CDH13: variants seen among roughly 807,000 people sequenced by gnomAD.
CDH13 encodes the protein cadherin-13.
Under a neutral mutation model 63.8 loss-of-function variants are expected in CDH13, and 24 were observed. The ratio of observed to expected loss-of-function variants is 0.38; its 90% CI spans 0.27 to 0.53. The LOEUF is 0.53. Ranked by LOEUF, CDH13 falls within the 20% of genes least tolerant of loss-of-function variation. CDH13 has a pLI of 0.85. For missense variants in CDH13, 1,049 were observed against 903.1 expected, an observed-to-expected ratio of 1.16 and a Z score of -2.07; for synonymous variants, 503 against 355.3, an observed-to-expected ratio of 1.42 and a Z score of -4.67.
intron 4 of CDH13, among the ~76,000 whole-genome samples, chr16:83,191,554 T>TAC (rs2038714742): frequency 1.5e-5 from 2 of 137,472 alleles, no homozygotes; most frequent in Admixed American, 1.5e-4. Flanking sequence ...TATATATATA[T>TAC]ATACACACAC....
intron 5 of CDH13, among the ~76,000 whole-genome samples, chr16:83,294,258 CTT>C (rs1386026253): frequency 6.6e-6 from 1 of 152,128 alleles, no homozygotes; most frequent in Non-Finnish European, 1.5e-5. Context: ...TACATTCACT[CTT>C]TTAGCATTTT....
intron 7 of CDH13, among the ~76,000 whole-genome samples, chr16:83,563,332 C>T (rs1219307393): frequency 6.6e-6 from 1 of 152,186 alleles, no homozygotes. Flanking sequence ...CCAGGATGGA[C>T]TCCTGAGATG....
In CDH13 at chr16:83,070,463, G is replaced by A. The variant is rs1597269468; in HGVS notation, c.366+38245G>A. Among the ~76,000 whole-genome samples, 5 of 152,202 alleles carry A rather than the reference G, an allele frequency of 3.3e-5. No individual in the cohort carries two copies. The South Asian group carries it at 1.0e-3, about 32-fold the overall frequency. On this transcript the variant is annotated intron_variant, in intron 3 of 13. Transcript: ENST00000567109. The stretch of plus-strand genomic sequence containing the variant: ...TTGATTTCATTTCACAACTTGCACG[G>A]AAATGAGTGTTTTACTGTTGATGTT...
intron 5 of CDH13, among the ~76,000 whole-genome samples, chr16:83,308,708 G>A (rs972240820): frequency 6.6e-6 from 1 of 152,184 alleles, no homozygotes; most frequent in African/African-American, 2.4e-5. Context: ...CCTTGCTTCT[G>A]GAAGGCTCCC....
Position 83,060,356 on chromosome 16 carries a change from A to G in CDH13, c.366+28138A>G, listed in dbSNP as rs547386526. Among the ~76,000 whole-genome samples, 4 of 152,314 alleles carry G rather than the reference A, an allele frequency of 2.6e-5. No homozygotes were observed. The East Asian group carries it at 5.8e-4, about 22-fold the overall frequency. The stretch of plus-strand genomic sequence containing the variant: ...AGGTCTCCATTCTTAAAAATCCAGC[A>G]TTTTTGTATAGGAACAAAACTTTAC... On this transcript the variant is annotated intron_variant, in intron 3 of 13. Coordinates refer to ENST00000567109, the MANE Select transcript of CDH13 (RefSeq NM_001257.5).
At chr16:82,998,018 G>C (rs1182642387) in intron 2 of CDH13, among the ~76,000 whole-genome samples, 1 of 152,158 alleles carries the variant, frequency 6.6e-6, no homozygotes, top group Non-Finnish European at 1.5e-5. Flanking sequence ...AATAGAGAAA[G>C]AGAATCTCAG....
intron 4 of CDH13, among the ~76,000 whole-genome samples, chr16:83,203,594 G>A (rs559779013): frequency 1.3e-5 from 2 of 148,350 alleles, no homozygotes; most frequent in Non-Finnish European, 3.0e-5. Flanking sequence ...GGCTGAGGCA[G>A]GAGAATGGTG....
intron 5 of CDH13, among the ~76,000 whole-genome samples, chr16:83,261,772 G>A (rs1907023938): frequency 2.0e-5 from 3 of 151,416 alleles, no homozygotes; most frequent in Admixed American, 2.0e-4. Flanking sequence ...ATAAGTGGCA[G>A]AGCTTGAACC....
rs71148812 is a variant in CDH13, at chr16:83,102,930, C to CTTTTTTTTTTTTTCTTTTTCTT, written c.367-22444_367-22443insTTCTTTTTCTTTTTTTTTTTTT. On this transcript the variant is annotated intron_variant, in intron 3 of 13. Coordinates refer to ENST00000567109, the MANE Select transcript of CDH13 (RefSeq NM_001257.5). ...AACTTTCTTTTTTTTTTTTCTTTTT[C>CTTTTTTTTTTTTTCTTTTTCTT]TTTTTTTTTTTCTTTTTCTTTTTTT... Among the ~76,000 whole-genome samples, 623 of 96,216 alleles carry CTTTTTTTTTTTTTCTTTTTCTT rather than the reference C, an allele frequency of 6.5e-3. 9 individuals carry two copies. The highest frequency in any genetic ancestry group is 7.2e-3 in the African/African-American group (156 of 21,530). 63.1% of individuals were successfully genotyped at this position (96,216 alleles called of 152,430 possible).
intron 9 of CDH13, among the ~76,000 whole-genome samples, chr16:83,677,024 G>A (rs1245728828): frequency 6.6e-6 from 1 of 152,132 alleles, no homozygotes; most frequent in African/African-American, 2.4e-5. Context: ...TGTCCTTCTT[G>A]CAAGAATACC....
In CDH13 at chr16:83,060,613, A is replaced by T. The variant is rs115927629; in HGVS notation, c.366+28395A>T. Reference sequence around the variant, plus strand: ...ACTGCCTCATAACTTGTAAGTAATGAAACTCTCCGGAAAAGTTGAGCTCAG... The same window carrying T: ...ACTGCCTCATAACTTGTAAGTAATGTAACTCTCCGGAAAAGTTGAGCTCAG... On this transcript the variant is annotated intron_variant, in intron 3 of 13. Transcript: ENST00000567109. 4.6e-3 allele frequency among the ~76,000 whole-genome samples: 704 copies of T among 152,322 alleles called. 3 individuals carry two copies. The highest frequency in any genetic ancestry group is 0.016 in the African/African-American group (681 of 41,560).
chr16:82,705,114 A>G, intron 1 of CDH13: 1 of 456,010 alleles, frequency 2.2e-6, no homozygotes, highest in South Asian at 1.5e-5. Context: ...TTTATCAAAA[A>G]TAAAGCCCGA....
chr16:83,434,066 G>A (rs902316276), intron 6 of CDH13, among the ~76,000 whole-genome samples: 1 of 152,062 alleles, frequency 6.6e-6, no homozygotes, highest in Non-Finnish European at 1.5e-5. Flanking sequence ...GCAGTACAAG[G>A]CTCATTACTC....
At chr16:82,668,609 C>A (rs993265408) in intron 1 of CDH13, among the ~76,000 whole-genome samples, 1 of 152,128 alleles carries the variant, frequency 6.6e-6, no homozygotes, top group Non-Finnish European at 1.5e-5. Flanking sequence ...GAGTTTGAGG[C>A]CCTGTCTTTT....
intron 1 of CDH13, among the ~76,000 whole-genome samples, chr16:82,811,327 A>G (rs1296822324): frequency 6.6e-6 from 1 of 152,214 alleles, no homozygotes; most frequent in Non-Finnish European, 1.5e-5. Context: ...AACATTGACC[A>G]TCATAGCACT....
chr16:82,906,218 G>A (rs989145960), intron 2 of CDH13, among the ~76,000 whole-genome samples: 2 of 152,232 alleles, frequency 1.3e-5, no homozygotes, highest in South Asian at 2.1e-4. Flanking sequence ...CAGGCTTTCA[G>A]ATGTTCAGGA....
chr16:82,919,196 G>A (rs1168166670), intron 2 of CDH13, among the ~76,000 whole-genome samples: 1 of 151,924 alleles, frequency 6.6e-6, no homozygotes, highest in Non-Finnish European at 1.5e-5. Context: ...TTTGTCATAT[G>A]GCATCTTTAC....
intron 1 of CDH13, among the ~76,000 whole-genome samples, chr16:82,724,905 C>G (rs1176215071): frequency 1.3e-5 from 2 of 152,192 alleles, no homozygotes; most frequent in Non-Finnish European, 2.9e-5. Context: ...CTCTGTGACT[C>G]AGCTTCCCCA....
chr16:83,607,900 C>G (rs1200588565), intron 8 of CDH13, among the ~76,000 whole-genome samples: 3 of 151,948 alleles, frequency 2.0e-5, no homozygotes. Flanking sequence ...TCATTCTTGT[C>G]TCTTAGGTTA....
Sources: gnomAD v4.1 joint callset for allele counts (sites outside exome capture counted in the v4.1 genomes callset) on GRCh38, gnomAD v4.1.1 for gene constraint, MANE v1.5 for transcripts, NCBI Gene and HGNC (gene_info 2026-07-23, HGNC 2026-07-21) for gene names.